The following ATL2 variants were observed in gnomAD, a reference collection of about 807,000 sequenced individuals.
The protein encoded by ATL2 is atlastin GTPase 2, also known as atlastin-2.
Under a neutral mutation model 73.9 loss-of-function variants are expected in ATL2, and 31 were observed. The ratio of observed to expected loss-of-function variants is 0.42; its 90% CI spans 0.32 to 0.57. The LOEUF is 0.57. ATL2 is among the 20% of genes least tolerant of loss of function. The pLI, the probability that ATL2 is intolerant of heterozygous loss-of-function variation, is 0.14. For synonymous variants in ATL2, 291 were observed against 237.5 expected, an observed-to-expected ratio of 1.23 and a Z score of -2.07; for missense variants, 738 against 702.6, an observed-to-expected ratio of 1.05 and a Z score of -0.57.
At chr2:38,319,118 C>A (rs1668182940) in intron 2 of ATL2, 99 bp from the exon 3 acceptor site, 7 of 1,288,320 alleles carry the variant, frequency 5.4e-6, no homozygotes, top group Non-Finnish European at 6.5e-6. Flanking sequence ...GGAAGCTAAA[C>A]CCGGAAAGAC....
chr2:38,366,811 T>C (rs1472039246), intron 1 of ATL2, among the ~76,000 whole-genome samples: 2 of 152,204 alleles, frequency 1.3e-5, no homozygotes, highest in Admixed American at 6.5e-5. Flanking sequence ...GTACACAGTA[T>C]GTCAACTAAA....
intron 1 of ATL2, among the ~76,000 whole-genome samples, chr2:38,363,406 C>A (rs1219275023): frequency 6.7e-6 from 1 of 149,544 alleles, no homozygotes; most frequent in African/African-American, 2.5e-5. Context: ...TATAACAAAT[C>A]TTGGCATACA....
At chr2:38,300,421 A>C (rs1192829763) in intron 9 of ATL2, 93 bp from the exon 10 acceptor site, 4 of 820,950 alleles carry the variant, frequency 4.9e-6, no homozygotes, top group Non-Finnish European at 8.0e-6. Context: ...AAAAATAATT[A>C]ACACCATTAA....
intron 1 of ATL2, among the ~76,000 whole-genome samples, chr2:38,357,094 C>A (rs1177665966): frequency 6.6e-6 from 1 of 151,958 alleles, no homozygotes; most frequent in African/African-American, 2.4e-5. Flanking sequence ...CTTTGGGAGG[C>A]CGAGGCAGGT....
chr2:38,303,887 T>G (rs1329920620), intron 9 of ATL2, among the ~76,000 whole-genome samples: 1 of 152,104 alleles, frequency 6.6e-6, no homozygotes, highest in East Asian at 1.9e-4. Context: ...ATCCCAGCAC[T>G]TTGGGAGGTC....
chr2:38,309,103 G>C (rs1363291656), intron 9 of ATL2, among the ~76,000 whole-genome samples: 1 of 152,080 alleles, frequency 6.6e-6, no homozygotes, highest in East Asian at 1.9e-4. Context: ...AGTAGTATTA[G>C]AGTATGATGA....
chr2:38,369,250 G>T (rs1216136945), intron 1 of ATL2, among the ~76,000 whole-genome samples: 1 of 151,860 alleles, frequency 6.6e-6, no homozygotes, highest in African/African-American at 2.4e-5. Flanking sequence ...AGGAGTTCAA[G>T]ACCAGCCTGA....
chr2:38,336,955 A>G (rs1262301830), intron 2 of ATL2, among the ~76,000 whole-genome samples: 2 of 152,196 alleles, frequency 1.3e-5, no homozygotes, highest in African/African-American at 4.8e-5. Flanking sequence ...TGAAGTCTCT[A>G]GATTCAACTA....
chr2:38,310,287 T>C (rs771333710), intron 8 of ATL2, 22 bp downstream of exon 8: 2 of 1,608,298 alleles, frequency 1.2e-6, no homozygotes, highest in African/African-American at 1.3e-5. Context: ...GTTCAGATTT[T>C]AGCAAGAATG....
At chr2:38,326,786 G>C (rs1306007795) in intron 2 of ATL2, among the ~76,000 whole-genome samples, 1 of 151,924 alleles carries the variant, frequency 6.6e-6, no homozygotes, top group Non-Finnish European at 1.5e-5. Flanking sequence ...TCTGGAGTTC[G>C]AGACCAGCCT....
upstream of ATL2, among the ~76,000 whole-genome samples, chr2:38,377,594 G>T (rs959129674): frequency 6.6e-6 from 1 of 151,836 alleles, no homozygotes; most frequent in African/African-American, 2.4e-5. Context: ...CACCCCCTTA[G>T]CGCTGGGCCA....
At chr2:38,296,713 A>T (rs1666914745) in intron 12 of ATL2, 1 of 1,552,928 alleles carries the variant, frequency 6.4e-7, no homozygotes, top group Non-Finnish European at 8.7e-7. Context: ...GAAGCAAAAG[A>T]AAAGAGAAAT....
intron 1 of ATL2, among the ~76,000 whole-genome samples, chr2:38,359,940 C>A (rs1043419438): frequency 6.6e-6 from 1 of 151,676 alleles, no homozygotes; most frequent in African/African-American, 2.4e-5. Context: ...CCAGCCTGGC[C>A]AATATGGTGA....
intron 1 of ATL2, among the ~76,000 whole-genome samples, chr2:38,375,514 C>G (rs1412470987): frequency 6.6e-6 from 1 of 152,128 alleles, no homozygotes; most frequent in African/African-American, 2.4e-5. Context: ...CATCTCTTCT[C>G]AAGATACCAC....
chr2:38,343,181 TATAG>T, intron 2 of ATL2, 83 bp downstream of exon 2: 1 of 678,698 alleles, frequency 1.5e-6, no homozygotes, highest in Non-Finnish European at 2.1e-6. Context: ...AAAAAAAAGA[TATAG>T]TTCTGGTTTT....
intron 1 of ATL2, among the ~76,000 whole-genome samples, chr2:38,356,657 T>C (rs895439244): frequency 7.2e-5 from 11 of 152,238 alleles, no homozygotes; most frequent in Non-Finnish European, 1.6e-4. Flanking sequence ...AACAAAGTTT[T>C]CCAGTATAAC....
At chr2:38,296,921 T>C (rs907148785) in intron 12 of ATL2, among the ~76,000 whole-genome samples, 1 of 152,244 alleles carries the variant, frequency 6.6e-6, no homozygotes, top group East Asian at 1.9e-4. Flanking sequence ...TATTGTACAA[T>C]TATTGAAAAT....
At chr2:38,346,541 T>C (rs892679246) in intron 1 of ATL2, among the ~76,000 whole-genome samples, 3 of 152,154 alleles carry the variant, frequency 2.0e-5, no homozygotes, top group African/African-American at 7.2e-5. Flanking sequence ...AAGACAAGTT[T>C]TCCACAGAAG....
At chr2:38,340,027 C>CA (rs1051005929) in intron 2 of ATL2, among the ~76,000 whole-genome samples, 1 of 151,954 alleles carries the variant, frequency 6.6e-6, no homozygotes, top group South Asian at 2.1e-4. Flanking sequence ...AAAAATAACG[C>CA]AAAAACATGA....
Sources: gnomAD v4.1 joint callset for allele counts (sites outside exome capture counted in the v4.1 genomes callset) on GRCh38, gnomAD v4.1.1 for gene constraint, MANE v1.5 for transcripts, NCBI Gene and HGNC (gene_info 2026-07-23, HGNC 2026-07-21) for gene names.